Variants in ZNRF1 observed in about 807,000 individuals in gnomAD.
ZNRF1 encodes the protein zinc and ring finger 1.
A neutral mutation model predicts 18.4 loss-of-function variants in ZNRF1; 3 were observed. The ratio of observed to expected loss-of-function variants is 0.16; its 90% CI spans 0.07 to 0.42. ZNRF1 has a LOEUF of 0.42. Among genes scored for constraint, ZNRF1 ranks in the 10% least tolerant of loss-of-function variants. The pLI, the probability that ZNRF1 is intolerant of heterozygous loss-of-function variation, is 0.99. For synonymous variants in ZNRF1, 157 were observed against 144.2 expected (o/e 1.09, Z -0.64); for missense variants, 310 against 329.8 (o/e 0.94, Z 0.47).
intron 2 of ZNRF1, among the ~76,000 whole-genome samples, chr16:75,098,296 A>C (rs2036221981): frequency 6.6e-6 from 1 of 152,232 alleles, no homozygotes; most frequent in Non-Finnish European, 1.5e-5. Context: ...AGGTGGCTAC[A>C]GGAAAGAGGA....
At chr16:75,052,959 C>T (rs960264592) in intron 1 of ZNRF1, among the ~76,000 whole-genome samples, 5 of 152,214 alleles carry the variant, frequency 3.3e-5, no homozygotes, top group Admixed American at 2.6e-4. Context: ...TGAGCCTTTT[C>T]ATTTGCTGCC....
chr16:75,105,376 G>A (rs1346884846), intron 3 of ZNRF1: 1 of 157,396 alleles, frequency 6.4e-6, no homozygotes, highest in Non-Finnish European at 1.4e-5. Context: ...CCACAGCACT[G>A]GGCACAGTTA....
chr16:75,029,710 A>G (rs189818210), intron 1 of ZNRF1, among the ~76,000 whole-genome samples: 1 of 152,200 alleles, frequency 6.6e-6, no homozygotes, highest in Non-Finnish European at 1.5e-5. Flanking sequence ...CGGAGGTTGC[A>G]GTGAGCCAAG....
intron 1 of ZNRF1, among the ~76,000 whole-genome samples, chr16:75,063,215 C>T (rs1025947219): frequency 4.6e-5 from 7 of 152,210 alleles, no homozygotes; most frequent in African/African-American, 7.2e-5. Flanking sequence ...CCCAGCGCCA[C>T]GCCAGCAGCA....
chr16:75,038,008 A>G (rs1178137739), intron 1 of ZNRF1, among the ~76,000 whole-genome samples: 2 of 152,082 alleles, frequency 1.3e-5, no homozygotes, highest in East Asian at 1.9e-4. Flanking sequence ...TATTCCTGAG[A>G]TGTAGTGACC....
At position 75,000,023 on chromosome 16, in the gene ZNRF1, C is replaced by T. The variant is rs774930199; in HGVS notation, c.352C>T (p.Leu118=). ...GGHHRDGMLY[L]GSRASLADAL... ...TCACCATAGAGACGGGATGCTGTAC[C>T]TGGGCTCCCGAGCCTCGCTGGCGGA... The change falls in exon 1 of 5, where the codon CTG becomes TTG. Residue 118 remains leucine, a synonymous_variant. Transcript: ENST00000335325. 8.5e-5 allele frequency: 136 copies of T among 1,594,762 alleles called. No homozygotes were observed. Among genetic ancestry groups the T allele is most frequent in the Middle Eastern group, 3.3e-4 (2 of 6,054 alleles).
chr16:75,026,919 A>G (rs2035232106), intron 1 of ZNRF1, among the ~76,000 whole-genome samples: 1 of 151,632 alleles, frequency 6.6e-6, no homozygotes, highest in East Asian at 1.9e-4. Flanking sequence ...AAAAAGAAAG[A>G]AAGAAAAAGA....
intron 1 of ZNRF1, among the ~76,000 whole-genome samples, chr16:75,032,641 A>G (rs2035321172): frequency 6.6e-6 from 1 of 152,222 alleles, no homozygotes; most frequent in African/African-American, 2.4e-5. Context: ...AAATTTTGCA[A>G]ATCATGTTCT....
chr16:75,050,870 CAAAA>C (rs1165011147), intron 1 of ZNRF1, among the ~76,000 whole-genome samples: 2 of 9,232 alleles, frequency 2.2e-4, no homozygotes, highest in African/African-American at 4.1e-4. Flanking sequence ...GACTCCGTCT[CAAAA>C]AAAAAAAAAA....
At chr16:75,074,117 C>T (rs1450503589) in intron 1 of ZNRF1, among the ~76,000 whole-genome samples, 1 of 152,062 alleles carries the variant, frequency 6.6e-6, no homozygotes, top group East Asian at 1.9e-4. Flanking sequence ...CTGCTCCTTC[C>T]GCGTGCATGT....
chr16:75,006,799 C>T (rs940390341), intron 1 of ZNRF1, among the ~76,000 whole-genome samples: 5 of 152,156 alleles, frequency 3.3e-5, no homozygotes, highest in African/African-American at 9.7e-5. Context: ...CAAGCTTTCT[C>T]ATGGCCTAGT....
At chr16:75,090,363 TTTG>T (rs149460840) in intron 1 of ZNRF1, among the ~76,000 whole-genome samples, 44,493 of 151,670 alleles carry the variant, frequency 0.29, 7,840 homozygotes, top group East Asian at 0.63. Flanking sequence ...TCTTCTGGGG[TTTG>T]TTGTTGTTGT....
intron 1 of ZNRF1, among the ~76,000 whole-genome samples, chr16:75,035,692 C>T (rs2035368341): frequency 6.6e-6 from 1 of 152,194 alleles, no homozygotes. Flanking sequence ...TGGCATGCTT[C>T]GGGGTCTTGT....
intron 1 of ZNRF1, among the ~76,000 whole-genome samples, chr16:75,062,852 T>A (rs1388032000): frequency 6.6e-6 from 1 of 152,222 alleles, no homozygotes; most frequent in Non-Finnish European, 1.5e-5. Flanking sequence ...CAGACTTTTT[T>A]AAACTGAGGT....
chr16:75,102,153 G>A (rs777489533), intron 2 of ZNRF1, among the ~76,000 whole-genome samples: 4 of 152,288 alleles, frequency 2.6e-5, no homozygotes, highest in Admixed American at 6.5e-5. Context: ...TTTGAGGAGC[G>A]GAAGCCATAG....
chr16:75,051,311 A>G (rs1349730301), intron 1 of ZNRF1, among the ~76,000 whole-genome samples: 7 of 150,340 alleles, frequency 4.7e-5, no homozygotes, highest in East Asian at 2.0e-4. Flanking sequence ...GGGTTCAAGC[A>G]ATTCTCCTGC....
At chr16:75,096,020 G>A (rs984366388) in intron 2 of ZNRF1, among the ~76,000 whole-genome samples, 2 of 151,770 alleles carry the variant, frequency 1.3e-5, no homozygotes, top group African/African-American at 4.9e-5. Flanking sequence ...TTGAGGGGCA[G>A]GCCACCTCCT....
chr16:75,086,710 G>A (rs1399129139), intron 1 of ZNRF1, among the ~76,000 whole-genome samples: 5 of 152,254 alleles, frequency 3.3e-5, no homozygotes, highest in South Asian at 4.1e-4. Flanking sequence ...AGGATGTGAC[G>A]GAAAGATTGA....
chr16:75,049,910 C>T (rs2035569980), intron 1 of ZNRF1, among the ~76,000 whole-genome samples: 1 of 150,552 alleles, frequency 6.6e-6, no homozygotes, highest in East Asian at 1.9e-4. Context: ...GTTTATGTAT[C>T]CAACATCACA....
Sources: allele counts gnomAD v4.1 joint callset (sites outside exome capture counted in the v4.1 genomes callset), GRCh38; gene constraint gnomAD v4.1.1; transcripts MANE v1.5; gene names NCBI Gene and HGNC (gene_info 2026-07-23, HGNC 2026-07-21).